The following MYT1L variants were observed in gnomAD, a reference collection of about 807,000 sequenced individuals.
The protein encoded by MYT1L is myelin transcription factor 1-like protein.
In MYT1L, 12 loss-of-function variants were observed where a neutral mutation model predicts 126.7. The ratio of observed to expected loss-of-function variants is 0.09; its 90% confidence interval spans 0.06 to 0.15. The LOEUF is 0.15. Ranked by LOEUF, MYT1L falls within the 10% of genes least tolerant of loss-of-function variation. The probability of loss-of-function intolerance (pLI) is 1.00; values close to 1 mark genes in which losing one functional copy is unlikely to be tolerated. For missense variants in MYT1L, 979 were observed against 1,585.2 expected (o/e 0.62, Z 6.49); for synonymous variants, 541 against 604.2 (o/e 0.90, Z 1.53).
chr2:1,790,447 A>C lies in MYT1L; in HGVS notation c.*1420T>G, dbSNP rs746643936. On this transcript the variant is annotated 3_prime_UTR_variant, in exon 25 of 25. Coordinates refer to ENST00000647738, the MANE Select transcript of MYT1L (RefSeq NM_001303052.2). Reference sequence around the variant, plus strand: ...ATATAGTGCAGTCATTGGGAGTAAAACAATCAAATCTGGAAGGTATAAACA... The same window carrying C: ...ATATAGTGCAGTCATTGGGAGTAAACCAATCAAATCTGGAAGGTATAAACA... 1 of 152,234 alleles carries C rather than the reference A, an allele frequency of 6.6e-6. No homozygotes were observed. Among genetic ancestry groups the C allele is most frequent in the Non-Finnish European group, 1.5e-5 (1 of 68,048 alleles). 9.4% of individuals were successfully genotyped at this position (152,234 alleles called of 1,614,324 possible). A position where few individuals can be genotyped will look rare whatever the true frequency, so the allele number is the denominator to read the frequency against.
chr2:2,100,960 CAA>C (rs972771954), intron 3 of MYT1L, among the ~76,000 whole-genome samples: 17 of 152,168 alleles, frequency 1.1e-4, no homozygotes, highest in Admixed American at 2.6e-4. Flanking sequence ...GATAATAAAA[CAA>C]TATTCAGAAT....
In MYT1L at chr2:2,175,976, T is replaced by A. The variant is rs530439211; in HGVS notation, c.-420-2988A>T. On this transcript the variant is annotated intron_variant, in intron 2 of 24. Coordinates refer to ENST00000647738, the MANE Select transcript of MYT1L (RefSeq NM_001303052.2). ...TATGGAGTACATAGCAGGTTCTCCA[T>A]TAGCCTTTCCTGGCTGAATAAGGAG... 1.0e-3 allele frequency among the ~76,000 whole-genome samples: 155 copies of A among 152,332 alleles called. 1 individual carries two copies. The highest frequency in any genetic ancestry group is 3.4e-3 in the Middle Eastern group (1 of 294).
chr2:2,027,310 G>A (rs1177873259), intron 4 of MYT1L, among the ~76,000 whole-genome samples: 4 of 152,182 alleles, frequency 2.6e-5, no homozygotes, highest in Admixed American at 6.5e-5. Context: ...ACAGCTGCAC[G>A]TGGAGCACCC....
chr2:2,269,398 G>C (rs2095214420), intron 2 of MYT1L, among the ~76,000 whole-genome samples: 1 of 152,166 alleles, frequency 6.6e-6, no homozygotes, highest in South Asian at 2.1e-4. Flanking sequence ...ATCTCTCAGT[G>C]TCTTTGCTCT....
intron 20 of MYT1L, among the ~76,000 whole-genome samples, chr2:1,839,968 C>T (rs2041442150): frequency 6.6e-6 from 1 of 152,166 alleles, no homozygotes; most frequent in African/African-American, 2.4e-5. Context: ...TTGTGAATGG[C>T]AGGACCAAGA....
At chr2:2,274,578 T>C (rs1180497785) in intron 2 of MYT1L, among the ~76,000 whole-genome samples, 2 of 152,238 alleles carry the variant, frequency 1.3e-5, no homozygotes, top group Non-Finnish European at 2.9e-5. Flanking sequence ...GGCTTGTTTT[T>C]ATCTAAAGCA....
At chr2:1,851,504 T>C (rs1464499053) in intron 19 of MYT1L, 137 bp downstream of exon 19, 3 of 783,828 alleles carry the variant, frequency 3.8e-6, no homozygotes, top group Non-Finnish European at 6.4e-6. Flanking sequence ...CACTGCTTTA[T>C]GGCGCTAAGA....
chr2:2,288,880 G>C (rs1467253785), intron 1 of MYT1L, among the ~76,000 whole-genome samples: 1 of 152,100 alleles, frequency 6.6e-6, no homozygotes, highest in African/African-American at 2.4e-5. Flanking sequence ...AGGAATGCCA[G>C]GCTTATATTC....
chr2:2,160,620 C>T (rs2087711744), intron 3 of MYT1L, among the ~76,000 whole-genome samples: 1 of 152,140 alleles, frequency 6.6e-6, no homozygotes, highest in African/African-American at 2.4e-5. Flanking sequence ...TGGGAGGCAA[C>T]CAGACATTGC....
chr2:2,017,148 T>C (rs546298480), intron 4 of MYT1L, among the ~76,000 whole-genome samples: 142 of 152,294 alleles, frequency 9.3e-4, no homozygotes, highest in African/African-American at 3.1e-3. Context: ...CATGGACTCG[T>C]AGACTCCACA....
chr2:1,867,418 C>G (rs2045721579), intron 18 of MYT1L, among the ~76,000 whole-genome samples: 2 of 152,196 alleles, frequency 1.3e-5, no homozygotes, highest in Non-Finnish European at 2.9e-5. Context: ...TGTCTCGTCC[C>G]TGGAGGTTGG....
At chr2:2,227,074 G>A (rs1338057375) in intron 2 of MYT1L, among the ~76,000 whole-genome samples, 2 of 151,580 alleles carry the variant, frequency 1.3e-5, no homozygotes, top group Non-Finnish European at 2.9e-5. Context: ...GTGTGCTTCT[G>A]ATTTCCAGGA....
intron 5 of MYT1L, among the ~76,000 whole-genome samples, chr2:1,995,921 T>A (rs2061798342): frequency 6.6e-6 from 1 of 152,126 alleles, no homozygotes; most frequent in African/African-American, 2.4e-5. Context: ...TGCCCTCTGT[T>A]TCTTAGAATC....
intron 8 of MYT1L, among the ~76,000 whole-genome samples, chr2:1,969,533 G>T (rs139913775): frequency 6.6e-6 from 1 of 152,192 alleles, no homozygotes; most frequent in African/African-American, 2.4e-5. Context: ...CCCAGGTGAC[G>T]CTGATGTTCT....
chr2:2,199,106 A>T (rs987310350), intron 2 of MYT1L, among the ~76,000 whole-genome samples: 5 of 152,208 alleles, frequency 3.3e-5, no homozygotes, highest in African/African-American at 1.2e-4. Flanking sequence ...ATTTTAAAAA[A>T]ATGAGTAGGC....
At chr2:2,021,222 G>C (rs2065001877) in intron 4 of MYT1L, among the ~76,000 whole-genome samples, 1 of 152,196 alleles carries the variant, frequency 6.6e-6, no homozygotes, top group African/African-American at 2.4e-5. Flanking sequence ...CAGGTGCACA[G>C]GTACAGGAGA....
intron 3 of MYT1L, among the ~76,000 whole-genome samples, chr2:2,167,760 T>C (rs1260354843): frequency 6.6e-6 from 1 of 152,212 alleles, no homozygotes; most frequent in Admixed American, 6.5e-5. Context: ...CCCTTTGGGG[T>C]GGCTTCATCC....
chr2:1,809,262 A>C, intron 21 of MYT1L, 95 bp from the exon 22 acceptor site: 1 of 1,214,514 alleles, frequency 8.2e-7, no homozygotes, highest in Non-Finnish European at 1.2e-6. Context: ...TAGCATTATT[A>C]GGTTGGTTGC....
At chr2:1,987,888 G>A (rs553562937) in intron 5 of MYT1L, among the ~76,000 whole-genome samples, 1 of 152,276 alleles carries the variant, frequency 6.6e-6, no homozygotes, top group South Asian at 2.1e-4. Flanking sequence ...TACTGGAACT[G>A]TATGTGGCAA....
Sources: allele counts gnomAD v4.1 joint callset (sites outside exome capture counted in the v4.1 genomes callset), GRCh38; gene constraint gnomAD v4.1.1; transcripts MANE v1.5; gene names NCBI Gene and HGNC (gene_info 2026-07-23, HGNC 2026-07-21).